Variants in KRT17 observed in about 807,000 individuals in gnomAD.
KRT17 encodes keratin, type I cytoskeletal 17.
A neutral mutation model predicts 45.6 loss-of-function variants in KRT17; 29 were observed. The ratio of observed to expected loss-of-function variants is 0.64; its 90% CI spans 0.47 to 0.87. The LOEUF is 0.87. Ranked by LOEUF, KRT17 falls within the 40% of genes least tolerant of loss-of-function variation. The probability of loss-of-function intolerance (pLI) is 0.00; values close to 1 mark genes in which losing one functional copy is unlikely to be tolerated. For synonymous variants in KRT17, 219 were observed against 234.6 expected (o/e 0.93, Z 0.61); for missense variants, 536 against 577.8 (o/e 0.93, Z 0.74).
At chr17:41,621,986 G>A (rs1908558771) in intron 3 of KRT17, 1 of 619,610 alleles carries the variant, frequency 1.6e-6, no homozygotes, top group African/African-American at 1.9e-5. Context: ...CTAATTATTA[G>A]GCCTATGCCC....
chr17:41,624,570 T>A lies in KRT17; in HGVS notation c.-61A>T. 1 of 1,450,852 alleles carries A rather than the reference T, an allele frequency of 6.9e-7. No individual in the cohort carries two copies. The highest frequency in any genetic ancestry group is 9.6e-7 in the Non-Finnish European group (1 of 1,043,382). 89.9% of individuals were successfully genotyped at this position (1,450,852 alleles called of 1,614,324 possible). Reference sequence around the variant, plus strand: ...GGCTGGAGAGGAGAGGGGCCCCAAGTTGTGTAGGGCTGCCGGGGTTCGCCC... The same window carrying A: ...GGCTGGAGAGGAGAGGGGCCCCAAGATGTGTAGGGCTGCCGGGGTTCGCCC... On this transcript the variant is annotated 5_prime_UTR_variant, in exon 1 of 8. Coordinates refer to ENST00000311208, the MANE Select transcript of KRT17 (RefSeq NM_000422.3).
chr17:41,623,074 G>A, intron 1 of KRT17, 42 bp from the exon 2 acceptor site: 1 of 1,462,428 alleles, frequency 6.8e-7, no homozygotes, highest in Non-Finnish European at 9.6e-7. Context: ...GATGGGGGTG[G>A]CTGAGCCCAC....
rs2144612942 is a variant in KRT17, at chr17:41,620,991, A to G, written c.935T>C (p.Ile312Thr). The G allele has an allele frequency of 1.9e-6, 3 of 1,614,088 alleles. No homozygotes were observed. Among genetic ancestry groups the G allele is most frequent in the Non-Finnish European group, 8.5e-7 (1 of 1,180,004 alleles). The change falls in exon 5 of 8, where the codon ATA becomes ACA. Residue 312 changes from isoleucine to threonine, a missense_variant. Transcript: ENST00000311208. Reference sequence around the variant, plus strand: ...CATGCTGAGCTGGGACTGCAGCTCTATCTCCAAGGCCTGCATGGTGCGCCG... The same window carrying G: ...CATGCTGAGCTGGGACTGCAGCTCTGTCTCCAAGGCCTGCATGGTGCGCCG... ...ELRRTMQALEIELQSQLSMKA... is the reference protein window; with the variant it reads ...ELRRTMQALETELQSQLSMKA...
intron 1 of KRT17, among the ~76,000 whole-genome samples, chr17:41,623,594 G>C (rs1298721810): frequency 6.6e-6 from 1 of 152,128 alleles, no homozygotes; most frequent in Non-Finnish European, 1.5e-5. Context: ...CCCCAAATAA[G>C]GCACATCAGA....
chr17:41,620,353 A>C, intron 7 of KRT17, 183 bp downstream of exon 7: 2 of 985,116 alleles, frequency 2.0e-6, no homozygotes, highest in Non-Finnish European at 2.4e-6. Flanking sequence ...ATCAGACCAG[A>C]CAGTGTCTCT....
intron 2 of KRT17, 145 bp from the exon 3 acceptor site, chr17:41,622,656 G>T: frequency 1.0e-6 from 1 of 959,698 alleles, no homozygotes; most frequent in South Asian, 1.4e-5. Context: ...TTCCAGCCCC[G>T]GGACCCCGGG....
intron 4 of KRT17, 26 bp from the exon 5 acceptor site, chr17:41,621,117 G>A (rs544344398): frequency 1.9e-5 from 31 of 1,613,058 alleles, no homozygotes; most frequent in South Asian, 8.8e-5. Flanking sequence ...AGGACAGGGC[G>A]GTGTGAGCCT....
rs755188789 is a variant in KRT17, at chr17:41,621,778, G to A, written c.673-24C>T. ...TCCTATGGAAAAAGGGGATGTGGAT[G>A]TGCGCATCTGGACCCATCCTGACCT... On this transcript the variant is annotated intron_variant, in intron 3 of 7. Transcript: ENST00000311208. 5.0e-6 allele frequency: 8 copies of A among 1,611,878 alleles called. No homozygotes were observed. The South Asian group carries it at 7.7e-5, about 16-fold the overall frequency.
rs1319607431 is a variant in KRT17 at position 41,619,580 on chromosome 17, G to A, written c.*14C>T. On this transcript the variant is annotated 3_prime_UTR_variant, in exon 8 of 8. Coordinates refer to ENST00000311208, the MANE Select transcript of KRT17 (RefSeq NM_000422.3). ...TCCCTGCCTCCTGGGTGGCCGGCCG[G>A]GGTAGCTGAGTCCTCAGCGGGTGGT... 3.1e-6 allele frequency: 5 copies of A among 1,611,950 alleles called. No homozygotes were observed. The highest frequency in any genetic ancestry group is 4.2e-6 in the Non-Finnish European group (5 of 1,179,978).
chr17:41,622,192 A>G (rs1415184305), intron 3 of KRT17, 163 bp downstream of exon 3: 1 of 904,956 alleles, frequency 1.1e-6, no homozygotes, highest in Non-Finnish European at 1.8e-6. Flanking sequence ...TGCCCTGCAC[A>G]CTGGACCCCA....
At chr17:41,619,804 T>C (rs1394922849) in intron 7 of KRT17, 116 bp from the exon 8 acceptor site, 4 of 1,574,136 alleles carry the variant, frequency 2.5e-6, no homozygotes, top group Non-Finnish European at 3.4e-6. Context: ...GTGCTGTGAG[T>C]GCCTCCACTG....
intron 1 of KRT17, chr17:41,623,247 T>C: frequency 1.9e-6 from 1 of 532,572 alleles, no homozygotes; most frequent in East Asian, 3.4e-5. Context: ...CAGACCCCCA[T>C]GGCAGGCTCG....
rs1343843789 is a variant in KRT17 at position 41,620,954 on chromosome 17, G to A, written c.960+12C>T. On this transcript the variant is annotated intron_variant, in intron 5 of 7. Coordinates refer to ENST00000311208, the MANE Select transcript of KRT17 (RefSeq NM_000422.3). ...CTTCTGGGCCCTCCCCCATGCACAG[G>A]ACTGTTCCTACCATGCTGAGCTGGG... 1 of 1,614,140 alleles carries A rather than the reference G, an allele frequency of 6.2e-7. No homozygotes were observed. The highest frequency in any genetic ancestry group is 8.5e-7 in the Non-Finnish European group (1 of 1,180,016).
chr17:41,621,590 C>G lies in KRT17; in HGVS notation c.834+3G>C, dbSNP rs201183067. The G allele has an allele frequency of 1.1e-4, 178 of 1,611,942 alleles. No individual in the cohort carries two copies. Among genetic ancestry groups the G allele is most frequent in the Admixed American group, 1.7e-4 (10 of 60,002 alleles). On this transcript the variant is annotated splice_donor_region_variant and intron_variant, in intron 4 of 7. Transcript: ENST00000311208. ...GAGCCCTCTGGCCTGCAGCACCCCC[C>G]ACCTTGCTGAAGAACCAATCCTCGG... is the stretch of plus-strand genomic sequence containing the variant.
intron 7 of KRT17, chr17:41,619,925 T>G (rs1597689962): frequency 1.0e-6 from 1 of 985,384 alleles, no homozygotes; most frequent in Non-Finnish European, 1.2e-6. Flanking sequence ...CCAGATGGGT[T>G]ATTTGATTCT....
chr17:41,623,233 C>G, intron 1 of KRT17: 3 of 557,006 alleles, frequency 5.4e-6, no homozygotes, highest in South Asian at 3.9e-5. Flanking sequence ...ACTCAGTACC[C>G]CACCAGACCC....
chr17:41,620,471 A>G (rs1292183294), intron 7 of KRT17, 65 bp downstream of exon 7: 15 of 1,611,428 alleles, frequency 9.3e-6, no homozygotes, highest in Non-Finnish European at 1.2e-5. Context: ...TGCCCCAGCA[A>G]CGTGCAGGTG....
chr17:41,622,339 G>A lies in KRT17; in HGVS notation c.672+16C>T. ...CACTCCTCAGCATCTTTGACCTTCTGCCCCAGCCACCTCACCTCCTCGTGG... is the reference window on the plus strand; with the variant it reads ...CACTCCTCAGCATCTTTGACCTTCTACCCCAGCCACCTCACCTCCTCGTGG... On this transcript the variant is annotated intron_variant, in intron 3 of 7. Transcript: ENST00000311208. 1 of 1,612,724 alleles carries A rather than the reference G, an allele frequency of 6.2e-7. No homozygotes were observed.
In KRT17 at chr17:41,624,060, C is replaced by T; in HGVS notation, c.432+18G>A. On this transcript the variant is annotated intron_variant, in intron 1 of 7. Transcript: ENST00000311208. Reference sequence around the variant, plus strand: ...GAAGTCATGCCCCCCGGAGACCCCTCCCACCAGCAGGCCCTACCTTGTTCT... The same window carrying T: ...GAAGTCATGCCCCCCGGAGACCCCTTCCACCAGCAGGCCCTACCTTGTTCT... The T allele has an allele frequency of 6.2e-7, 1 of 1,612,028 alleles. No individual in the cohort carries two copies. The highest frequency in any genetic ancestry group is 1.3e-5 in the African/African-American group (1 of 74,980).
Sources: allele counts gnomAD v4.1 joint callset (sites outside exome capture counted in the v4.1 genomes callset), GRCh38; gene constraint gnomAD v4.1.1; transcripts MANE v1.5; gene names NCBI Gene and HGNC (gene_info 2026-07-23, HGNC 2026-07-21).